Variants in CNTNAP2 observed in about 807,000 individuals in gnomAD.
CNTNAP2 encodes the protein contactin-associated protein-like 2.
A neutral mutation model predicts 155.2 loss-of-function variants in CNTNAP2; 98 were observed. That is an observed-to-expected ratio of 0.63 (90% CI 0.54 to 0.75). The LOEUF (loss-of-function observed/expected upper bound fraction) is 0.75. Ranked by LOEUF, CNTNAP2 falls within the 30% of genes least tolerant of loss-of-function variation. CNTNAP2 has a pLI of 0.00. For synonymous variants in CNTNAP2, 651 were observed against 631.2 expected, an observed-to-expected ratio of 1.03 and a Z score of -0.47; for missense variants, 1,727 against 1,688.1, an observed-to-expected ratio of 1.02 and a Z score of -0.40.
chr7:146,343,503 G>A (rs907434578), intron 1 of CNTNAP2, among the ~76,000 whole-genome samples: 16 of 152,034 alleles, frequency 1.1e-4, no homozygotes, highest in Non-Finnish European at 1.8e-4. Context: ...AATCATCTGT[G>A]CAAACTAAAG....
At chr7:148,382,694 A>G (rs1799093636) in intron 21 of CNTNAP2, among the ~76,000 whole-genome samples, 1 of 152,156 alleles carries the variant, frequency 6.6e-6, no homozygotes, top group Non-Finnish European at 1.5e-5. Flanking sequence ...CGGCAGGGAC[A>G]TGAGGGGTTG....
intron 3 of CNTNAP2, among the ~76,000 whole-genome samples, chr7:146,900,534 A>G (rs1795971792): frequency 6.6e-6 from 1 of 152,158 alleles, no homozygotes; most frequent in South Asian, 2.1e-4. Context: ...TGAATGGCTG[A>G]TAGGGCCTTA....
intron 1 of CNTNAP2, among the ~76,000 whole-genome samples, chr7:146,740,097 T>C (rs1801686209): frequency 6.6e-6 from 1 of 152,128 alleles, no homozygotes; most frequent in Admixed American, 6.5e-5. Flanking sequence ...ATTTGCCTTT[T>C]TGATGCTGTC....
intron 1 of CNTNAP2, among the ~76,000 whole-genome samples, chr7:146,753,400 T>C (rs1198569027): frequency 2.6e-5 from 4 of 152,104 alleles, no homozygotes; most frequent in African/African-American, 9.6e-5. Flanking sequence ...GGTCAATATC[T>C]GAACTTGCTT....
At chr7:148,397,299 G>A (rs949341376) in intron 22 of CNTNAP2, among the ~76,000 whole-genome samples, 3 of 152,160 alleles carry the variant, frequency 2.0e-5, no homozygotes, top group African/African-American at 7.2e-5. Flanking sequence ...GAGGATTCCT[G>A]GTGTGCATCA....
intron 22 of CNTNAP2, chr7:148,389,916 G>A (rs552963999): frequency 9.2e-5 from 14 of 152,152 alleles, no homozygotes; most frequent in South Asian, 2.1e-4. Flanking sequence ...AACCCCTGAC[G>A]GACCAAATCA....
At chr7:147,091,371 C>T (rs1254092521) in intron 4 of CNTNAP2, among the ~76,000 whole-genome samples, 2 of 152,092 alleles carry the variant, frequency 1.3e-5, no homozygotes, top group Non-Finnish European at 2.9e-5. Context: ...CCTCAGCATG[C>T]TCTTTGTCGT....
intron 8 of CNTNAP2, among the ~76,000 whole-genome samples, chr7:147,191,144 G>C (rs1031320760): frequency 6.6e-6 from 1 of 152,068 alleles, no homozygotes; most frequent in Non-Finnish European, 1.5e-5. Flanking sequence ...GAGAGTTGAA[G>C]GGTCCAGTAT....
chr7:146,828,808 T>C (rs968755617), intron 2 of CNTNAP2, among the ~76,000 whole-genome samples: 5 of 152,118 alleles, frequency 3.3e-5, no homozygotes, highest in African/African-American at 1.2e-4. Flanking sequence ...TACATTAAAC[T>C]TGTATACATG....
chr7:146,585,621 G>A (rs1443298357), intron 1 of CNTNAP2, among the ~76,000 whole-genome samples: 2 of 151,586 alleles, frequency 1.3e-5, no homozygotes, highest in South Asian at 2.1e-4. Context: ...AGAATTCAGA[G>A]TTACCTATTA....
At chr7:147,090,743 A>G (rs1800383909) in intron 4 of CNTNAP2, among the ~76,000 whole-genome samples, 1 of 152,144 alleles carries the variant, frequency 6.6e-6, no homozygotes, top group South Asian at 2.1e-4. Context: ...TGACAATTAT[A>G]TGTGGTTTTT....
intron 1 of CNTNAP2, among the ~76,000 whole-genome samples, chr7:146,646,744 G>T (rs928365456): frequency 6.6e-6 from 1 of 152,090 alleles, no homozygotes. Flanking sequence ...TGAGTCATCA[G>T]TTCTACAAAG....
chr7:148,047,540 A>AT (rs1802796366), intron 15 of CNTNAP2, among the ~76,000 whole-genome samples: 2 of 152,142 alleles, frequency 1.3e-5, no homozygotes, highest in Admixed American at 6.5e-5. Context: ...AATATCACCA[A>AT]TAAAAAAAAA....
intron 3 of CNTNAP2, among the ~76,000 whole-genome samples, chr7:146,854,668 A>G (rs2129203786): frequency 6.6e-6 from 1 of 152,302 alleles, no homozygotes; most frequent in African/African-American, 2.4e-5. Flanking sequence ...CTTAGTACAT[A>G]GATACTTAGT....
chr7:147,246,616 A>G (rs543283271), intron 8 of CNTNAP2, among the ~76,000 whole-genome samples: 2 of 152,286 alleles, frequency 1.3e-5, no homozygotes, highest in East Asian at 3.9e-4. Flanking sequence ...TCGCCTCCCA[A>G]GAGTCCTGCC....
chr7:148,173,797 A>G (rs918866733), intron 18 of CNTNAP2, among the ~76,000 whole-genome samples: 2 of 152,250 alleles, frequency 1.3e-5, no homozygotes, highest in Non-Finnish European at 1.5e-5. Flanking sequence ...ATTGTGCTTG[A>G]TGCTAATTTA....
intron 13 of CNTNAP2, among the ~76,000 whole-genome samples, chr7:147,826,111 GATATA>G (rs1798445990): frequency 6.6e-6 from 1 of 152,156 alleles, no homozygotes; most frequent in Non-Finnish European, 1.5e-5. Flanking sequence ...TACAAGCTGG[GATATA>G]ATATGACTTT....
intron 3 of CNTNAP2, among the ~76,000 whole-genome samples, chr7:147,036,389 G>A (rs1159458334): frequency 6.6e-6 from 1 of 152,080 alleles, no homozygotes; most frequent in Non-Finnish European, 1.5e-5. Context: ...TTAACATTGT[G>A]GATGACTTAC....
intron 3 of CNTNAP2, among the ~76,000 whole-genome samples, chr7:146,926,171 TTAAA>T (rs1796605272): frequency 2.0e-5 from 3 of 152,150 alleles, no homozygotes; most frequent in South Asian, 4.1e-4. Flanking sequence ...TATTTTATTA[TTAAA>T]TAACTAACCA....
Sources: gnomAD v4.1 joint callset for allele counts (sites outside exome capture counted in the v4.1 genomes callset) on GRCh38, gnomAD v4.1.1 for gene constraint, MANE v1.5 for transcripts, NCBI Gene and HGNC (gene_info 2026-07-23, HGNC 2026-07-21) for gene names.